Variants in CRABP2 observed in about 807,000 individuals in gnomAD.
CRABP2 encodes cellular retinoic acid binding protein 2.
In CRABP2, 20 loss-of-function variants were observed where a neutral mutation model predicts 17.9. The ratio of observed to expected loss-of-function variants is 1.12; its 90% CI spans 0.79 to 1.63. The LOEUF (loss-of-function observed/expected upper bound fraction) is 1.63, where lower values mean the gene tolerates loss of function less well. Ranked by LOEUF, CRABP2 falls within the 40% of genes most tolerant of loss-of-function variation. The pLI is 0.00. For synonymous variants in CRABP2, 76 were observed against 66.4 expected (o/e 1.14, Z -0.70); for missense variants, 151 against 168.6 (o/e 0.90, Z 0.58).
chr1:156,699,995 G>A lies in CRABP2; in HGVS notation c.*31C>T, dbSNP rs763233452. 7 of 1,606,702 alleles carry A rather than the reference G, an allele frequency of 4.4e-6. No homozygotes were observed. In the South Asian group the frequency reaches 6.7e-5, roughly 15 times the overall value. On this transcript the variant is annotated 3_prime_UTR_variant, in exon 4 of 4. Transcript: ENST00000368222. The stretch of plus-strand genomic sequence containing the variant: ...CAGGGCGGTGAGCATGGCCAGTGGT[G>A]GGCTTCGGCCGCGGTTCTACCTGTG...
intron 1 of CRABP2, among the ~76,000 whole-genome samples, chr1:156,701,357 G>T (rs1254564628): frequency 6.6e-6 from 1 of 152,044 alleles, no homozygotes; most frequent in Non-Finnish European, 1.5e-5. Flanking sequence ...GGCTCCCCAC[G>T]TCTCAGCTCT....
chr1:156,699,908 G>T lies in CRABP2; in HGVS notation c.*118C>A. The T allele has an allele frequency of 9.4e-7, 1 of 1,062,368 alleles. No individual in the cohort carries two copies. The highest frequency in any genetic ancestry group is 1.4e-6 in the Non-Finnish European group (1 of 715,518). The allele number at this position is 1,062,368 out of a possible 1,614,324, so 65.8% of individuals were successfully genotyped here. On this transcript the variant is annotated 3_prime_UTR_variant, in exon 4 of 4. Transcript: ENST00000368222. ...AGAGGCATCCCAGTGACCCCCAGAA[G>T]TGACTGGGGTAAGGGGAGCGCTATC...
chr1:156,700,216 G>A, intron 3 of CRABP2, 140 bp from the exon 4 acceptor site: 1 of 827,914 alleles, frequency 1.2e-6, no homozygotes, highest in South Asian at 1.6e-5. Context: ...GCAGGAGCTG[G>A]TCCCAGAATG....
intron 2 of CRABP2, 92 bp downstream of exon 2, chr1:156,700,782 G>T: frequency 6.5e-7 from 1 of 1,535,054 alleles, no homozygotes; most frequent in Non-Finnish European, 8.9e-7. Context: ...CTGGGACAGA[G>T]AGAAGCTAGG....
chr1:156,701,110 C>A, intron 1 of CRABP2, 58 bp from the exon 2 acceptor site: 1 of 1,571,860 alleles, frequency 6.4e-7, no homozygotes, highest in South Asian at 1.2e-5. Flanking sequence ...TCTCTCACAC[C>A]CTCCCCATAA....
intron 1 of CRABP2, among the ~76,000 whole-genome samples, chr1:156,703,063 A>G (rs1486947896): frequency 1.3e-5 from 2 of 151,638 alleles, no homozygotes; most frequent in Non-Finnish European, 2.9e-5. Context: ...AAGGAAAGCA[A>G]AAAGCTGGGG....
At chr1:156,701,263 G>A (rs1159856148) in intron 1 of CRABP2, among the ~76,000 whole-genome samples, 1 of 152,094 alleles carries the variant, frequency 6.6e-6, no homozygotes, top group African/African-American at 2.4e-5. Context: ...GTTTAGGGAG[G>A]AGAGGGAGAG....
Position 156,705,266 on chromosome 1 carries a change from G to T in CRABP2, c.70+111C>A. On this transcript the variant is annotated intron_variant, in intron 1 of 3. Coordinates refer to ENST00000368222, the MANE Select transcript of CRABP2 (RefSeq NM_001878.4). The surrounding 1 kb of genome is among the most constrained non-coding windows in gnomAD (Gnocchi z 5.2). The stretch of plus-strand genomic sequence containing the variant: ...GCCTGGCACGTTTTTCGGGGATGCA[G>T]GCACCCAGTGTCTCACGCCCTGATT... 1 of 1,195,838 alleles carries T rather than the reference G, an allele frequency of 8.4e-7. No individual in the cohort carries two copies. Among genetic ancestry groups the T allele is most frequent in the Non-Finnish European group, 1.2e-6 (1 of 808,920 alleles). The allele number at this position is 1,195,838 out of a possible 1,614,324, so 74.1% of individuals were successfully genotyped here. A position where few individuals can be genotyped will look rare whatever the true frequency, so the allele number is the denominator to read the frequency against.
rs1361011470 is a variant in CRABP2 at position 156,705,289 on chromosome 1, A to T, written c.70+88T>A. The T allele has an allele frequency of 7.0e-7, 1 of 1,434,434 alleles. No homozygotes were observed. Among genetic ancestry groups the T allele is most frequent in the Non-Finnish European group, 9.8e-7 (1 of 1,017,854 alleles). 88.9% of individuals were successfully genotyped at this position (1,434,434 alleles called of 1,614,324 possible). On this transcript the variant is annotated intron_variant, in intron 1 of 3. Transcript: ENST00000368222. This position sits in a 1 kb window ranked among gnomAD's most constrained non-coding sequence, Gnocchi z 5.2. The stretch of plus-strand genomic sequence containing the variant: ...CAGGCACCCAGTGTCTCACGCCCTG[A>T]TTGTGGTCCCGCTGTCTTTCTCATC...
intron 2 of CRABP2, 53 bp downstream of exon 2, chr1:156,700,821 G>T (rs975553389): frequency 6.3e-7 from 1 of 1,588,140 alleles, no homozygotes; most frequent in Non-Finnish European, 8.6e-7. Context: ...AAAATGGCAG[G>T]TTGAGAGGCA....
upstream of CRABP2, chr1:156,705,721 C>T: frequency 2.3e-6 from 1 of 437,950 alleles, no homozygotes; most frequent in Non-Finnish European, 4.1e-6. The surrounding 1 kb of genome is among the most constrained non-coding windows in gnomAD (Gnocchi z 5.2). Flanking sequence ...CTGGATCTAG[C>T]CCGCGTGTGG....
chr1:156,700,859 C>A lies in CRABP2; in HGVS notation c.249+15G>T, dbSNP rs774623740. The A allele has an allele frequency of 1.5e-5, 24 of 1,611,022 alleles. No homozygotes were observed. The highest frequency in any genetic ancestry group is 2.0e-5 in the Non-Finnish European group (24 of 1,177,836). ...GCAATGACGCCATGACCCTGGAGCC[C>A]CTTCTGGCACTCACCTTACAGGGCC... On this transcript the variant is annotated intron_variant, in intron 2 of 3. Transcript: ENST00000368222.
In CRABP2 at chr1:156,705,340, C is replaced by G. The variant is rs1272811883; in HGVS notation, c.70+37G>C. On this transcript the variant is annotated intron_variant, in intron 1 of 3. Coordinates refer to ENST00000368222, the MANE Select transcript of CRABP2 (RefSeq NM_001878.4). This position sits in a 1 kb window ranked among gnomAD's most constrained non-coding sequence, Gnocchi z 5.2. Reference sequence around the variant, plus strand: ...CCCAACTTCGAGGACTCCAGAGCCCCCCCTTGCCCCACCTGGGCCCTCGAA... The same window carrying G: ...CCCAACTTCGAGGACTCCAGAGCCCGCCCTTGCCCCACCTGGGCCCTCGAA... 2 of 1,610,216 alleles carry G rather than the reference C, an allele frequency of 1.2e-6. No individual in the cohort carries two copies. Among genetic ancestry groups the G allele is most frequent in the East Asian group, 4.5e-5 (2 of 44,874 alleles).
At position 156,700,551 on chromosome 1, in the gene CRABP2, T is replaced by C. The variant is rs114693585; in HGVS notation, c.357A>G (p.Glu119=). ...SWTRELTNDG[E]LILTMTADDV... Reference sequence around the variant, plus strand: ...AGGAGGCAGGACTTACCAGGATCAGTTCCCCATCGTTGGTCAGTTCTCTGG... The same window carrying C: ...AGGAGGCAGGACTTACCAGGATCAGCTCCCCATCGTTGGTCAGTTCTCTGG... The change falls in exon 3 of 4, where the codon GAA becomes GAG. Residue 119 remains glutamate (E), a synonymous_variant. Transcript: ENST00000368222. 3 of 1,613,474 alleles carry C rather than the reference T, an allele frequency of 1.9e-6. No homozygotes were observed. The African/African-American group carries it at 4.0e-5, about 22-fold the overall frequency.
At chr1:156,705,656 G>C, upstream of CRABP2, 1 of 460,616 alleles carries the variant, frequency 2.2e-6, no homozygotes, top group Non-Finnish European at 3.8e-6. This position sits in a 1 kb window ranked among gnomAD's most constrained non-coding sequence, Gnocchi z 5.2. Context: ...AAGTGGCCCC[G>C]CCTCCCGCTC....
chr1:156,702,953 T>C (rs1345587407), intron 1 of CRABP2, among the ~76,000 whole-genome samples: 1 of 150,768 alleles, frequency 6.6e-6, no homozygotes, highest in African/African-American at 2.4e-5. Flanking sequence ...TCCCAGCACT[T>C]TGGGAGGCCG....
upstream of CRABP2, chr1:156,705,776 T>G (rs542724256): frequency 1.3e-4 from 37 of 285,348 alleles, no homozygotes; most frequent in African/African-American, 7.5e-4. This position sits in a 1 kb window ranked among gnomAD's most constrained non-coding sequence, Gnocchi z 5.2. Context: ...CCTGCGCTAG[T>G]AAGTGGATGG....
In CRABP2 at chr1:156,700,925, G is replaced by A; in HGVS notation, c.198C>T (p.Phe66=). Residue 66 remains phenylalanine, a synonymous_variant, in exon 2 of 4, where the codon TTC becomes TTT. Transcript: ENST00000368222. ...GCTCCTCAAACTCCTCCCCAACCTTGAAGTTAATCTCTGTGGTGCGCACGG... is the reference window on the plus strand; with the variant it reads ...GCTCCTCAAACTCCTCCCCAACCTTAAAGTTAATCTCTGTGGTGCGCACGG... ...STTVRTTEIN[F]KVGEEFEEQT... 3 of 1,614,206 alleles carry A rather than the reference G, an allele frequency of 1.9e-6. No homozygotes were observed. The highest frequency in any genetic ancestry group is 2.5e-6 in the Non-Finnish European group (3 of 1,180,032).
At position 156,699,928 on chromosome 1, in the gene CRABP2, G is replaced by A. The variant is rs1160060874; in HGVS notation, c.*98C>T. 1.1e-5 allele frequency: 14 copies of A among 1,296,448 alleles called. No homozygotes were observed. The highest frequency in any genetic ancestry group is 2.2e-4 in the Middle Eastern group (1 of 4,518). The allele number at this position is 1,296,448 out of a possible 1,614,324, so 80.3% of individuals were successfully genotyped here. On this transcript the variant is annotated 3_prime_UTR_variant, in exon 4 of 4. Coordinates refer to ENST00000368222, the MANE Select transcript of CRABP2 (RefSeq NM_001878.4). ...CAGAAGTGACTGGGGTAAGGGGAGC[G>A]CTATCCTAGAAGGAGGGGGTGGGAC...
Sources: gnomAD v4.1 joint callset for allele counts (sites outside exome capture counted in the v4.1 genomes callset) on GRCh38, gnomAD v4.1.1 for gene constraint, Gnocchi (gnomAD v3.1) non-coding constraint, MANE v1.5 for transcripts, NCBI Gene and HGNC (gene_info 2026-07-23, HGNC 2026-07-21) for gene names.